NAALADL2: variants seen among roughly 807,000 people sequenced by gnomAD.
The protein encoded by NAALADL2 is N-acetylated alpha-linked acidic dipeptidase like 2.
Under a neutral mutation model 87.2 loss-of-function variants are expected in NAALADL2, and 76 were observed. The observed-to-expected ratio is 0.87, with a 90% confidence interval of 0.72 to 1.05. NAALADL2 has a LOEUF of 1.05. Ranked by LOEUF, NAALADL2 falls within the 50% of genes least tolerant of loss-of-function variation. The pLI is 0.00. For missense variants in NAALADL2, 1,089 were observed against 945.8 expected, an observed-to-expected ratio of 1.15 and a Z score of -1.99; for synonymous variants, 354 against 331.0, an observed-to-expected ratio of 1.07 and a Z score of -0.75.
intron 2 of NAALADL2, among the ~76,000 whole-genome samples, chr3:174,616,316 T>C (rs1275188774): frequency 6.6e-6 from 1 of 151,974 alleles, no homozygotes; most frequent in African/African-American, 2.4e-5. Flanking sequence ...AAATAGAAGG[T>C]ACTAGAAGTA....
chr3:175,138,058 G>A (rs1729397199), intron 2 of NAALADL2, among the ~76,000 whole-genome samples: 1 of 152,172 alleles, frequency 6.6e-6, no homozygotes, highest in African/African-American at 2.4e-5. Context: ...TGGCCATGGG[G>A]CGGGGGTGAG....
At chr3:174,675,379 G>C (rs1405934800) in intron 2 of NAALADL2, among the ~76,000 whole-genome samples, 3 of 151,930 alleles carry the variant, frequency 2.0e-5, no homozygotes, top group Non-Finnish European at 2.9e-5. Context: ...CTGGTGAAGA[G>C]AAAATGTTAA....
chr3:175,154,872 A>T (rs1351453388), intron 2 of NAALADL2, among the ~76,000 whole-genome samples: 2 of 152,206 alleles, frequency 1.3e-5, no homozygotes, highest in Non-Finnish European at 2.9e-5. Context: ...AGCAAATCAC[A>T]GTAATGTCTT....
intron 2 of NAALADL2, among the ~76,000 whole-genome samples, chr3:175,221,947 G>T (rs1323501679): frequency 1.5e-4 from 22 of 151,606 alleles, no homozygotes. Context: ...GCTAATTTTT[G>T]TGTGTGTGTA....
intron 6 of NAALADL2, among the ~76,000 whole-genome samples, chr3:175,458,227 T>C (rs969838136): frequency 6.6e-6 from 1 of 152,036 alleles, no homozygotes; most frequent in Admixed American, 6.6e-5. Flanking sequence ...TCTATTGCTA[T>C]TGAAGTGTTG....
intron 3 of NAALADL2, among the ~76,000 whole-genome samples, chr3:175,241,703 A>G (rs545744303): frequency 6.6e-6 from 1 of 152,222 alleles, no homozygotes; most frequent in South Asian, 2.1e-4. Flanking sequence ...CTACCCGTGA[A>G]AGAGAACAGA....
chr3:174,903,074 A>G (rs1476108848), intron 1 of NAALADL2, among the ~76,000 whole-genome samples: 1 of 152,092 alleles, frequency 6.6e-6, no homozygotes, highest in African/African-American at 2.4e-5. Flanking sequence ...TTCCCCCCCA[A>G]ATAGCCACTA....
At position 175,213,980 on chromosome 3, in the gene NAALADL2, G is replaced by T. The variant is rs539973955; in HGVS notation, c.546-19951G>T. Among the ~76,000 whole-genome samples, 344 of 152,100 alleles carry T rather than the reference G, an allele frequency of 2.3e-3. 1 individual carries two copies. The highest frequency in any genetic ancestry group is 3.8e-3 in the Non-Finnish European group (259 of 67,976). On this transcript the variant is annotated intron_variant, in intron 2 of 13. Coordinates refer to ENST00000454872, the MANE Select transcript of NAALADL2 (RefSeq NM_207015.3). Reference sequence around the variant, plus strand: ...AAACCAAAATGCAGTACTCCATAATGGTTTTGTTAAAGTAACGGGAAGAAA... The same window carrying T: ...AAACCAAAATGCAGTACTCCATAATTGTTTTGTTAAAGTAACGGGAAGAAA...
intron 9 of NAALADL2, among the ~76,000 whole-genome samples, chr3:175,501,867 G>A (rs866847824): frequency 4.8e-4 from 73 of 152,050 alleles, no homozygotes; most frequent in Middle Eastern, 6.3e-3. Flanking sequence ...AACTTTAGTA[G>A]TTTTAAGAAA....
intron 2 of NAALADL2, among the ~76,000 whole-genome samples, chr3:174,572,092 T>G (rs1048662753): frequency 2.0e-5 from 3 of 152,110 alleles, no homozygotes; most frequent in African/African-American, 7.2e-5. Context: ...TATGGATAAT[T>G]CTTCTTCCTT....
At chr3:175,578,135 A>T (rs1719179455) in intron 10 of NAALADL2, among the ~76,000 whole-genome samples, 3 of 152,126 alleles carry the variant, frequency 2.0e-5, no homozygotes, top group Non-Finnish European at 1.5e-5. Context: ...CTTATTAAAA[A>T]CAAAATAAGA....
At chr3:174,531,635 A>T (rs988345301) in intron 1 of NAALADL2, among the ~76,000 whole-genome samples, 4 of 152,202 alleles carry the variant, frequency 2.6e-5, no homozygotes, top group African/African-American at 4.8e-5. Context: ...TAAAAATCAG[A>T]AATGAAAGAA....
intron 2 of NAALADL2, among the ~76,000 whole-genome samples, chr3:174,660,362 C>T (rs1480484663): frequency 6.6e-6 from 1 of 152,038 alleles, no homozygotes; most frequent in Non-Finnish European, 1.5e-5. Context: ...TTTTTCATGA[C>T]AGAATTTTCA....
At chr3:174,790,825 C>A (rs9871932) in intron 3 of NAALADL2, among the ~76,000 whole-genome samples, 2,125 of 151,906 alleles carry the variant, frequency 0.014, 63 homozygotes, top group African/African-American at 0.05. Flanking sequence ...ATTTTAAAAC[C>A]AAGATTATAT....
At chr3:175,589,811 A>C (rs1486368477) in intron 10 of NAALADL2, among the ~76,000 whole-genome samples, 6 of 150,898 alleles carry the variant, frequency 4.0e-5, no homozygotes, top group East Asian at 3.9e-4. Context: ...AAAAAACAAA[A>C]AACCAAAAAC....
intron 10 of NAALADL2, among the ~76,000 whole-genome samples, chr3:175,581,483 AT>A (rs1719776447): frequency 6.6e-6 from 1 of 152,084 alleles, no homozygotes; most frequent in African/African-American, 2.4e-5. Flanking sequence ...AGACAATTGG[AT>A]TTTCATACCT....
intron 5 of NAALADL2, among the ~76,000 whole-genome samples, chr3:175,406,839 T>A (rs991066071): frequency 2.0e-5 from 3 of 152,094 alleles, no homozygotes; most frequent in Admixed American, 2.0e-4. Flanking sequence ...TTGTTATGGC[T>A]TCCTGGTTCA....
At chr3:175,499,092 AGGG>A (rs1729196948) in intron 9 of NAALADL2, among the ~76,000 whole-genome samples, 1 of 152,118 alleles carries the variant, frequency 6.6e-6, no homozygotes, top group Admixed American at 6.6e-5. Flanking sequence ...ATTTCACTGT[AGGG>A]TTAATGCAGA....
chr3:174,628,822 C>G (rs1423698021), intron 2 of NAALADL2, among the ~76,000 whole-genome samples: 1 of 152,134 alleles, frequency 6.6e-6, no homozygotes, highest in Non-Finnish European at 1.5e-5. Flanking sequence ...TCTTCACTGT[C>G]AGATTAATTT....
Sources: gnomAD v4.1 joint callset for allele counts (sites outside exome capture counted in the v4.1 genomes callset) on GRCh38, gnomAD v4.1.1 for gene constraint, MANE v1.5 for transcripts, NCBI Gene and HGNC (gene_info 2026-07-23, HGNC 2026-07-21) for gene names.